The following SSH2 variants were observed in gnomAD, a reference collection of about 807,000 sequenced individuals.
SSH2 encodes the protein slingshot protein phosphatase 2, also known as protein phosphatase Slingshot homolog 2.
A neutral mutation model predicts 135.2 loss-of-function variants in SSH2; 37 were observed. The ratio of observed to expected loss-of-function variants is 0.27; its 90% CI spans 0.21 to 0.36. The LOEUF (loss-of-function observed/expected upper bound fraction) is 0.36, where lower values mean the gene tolerates loss of function less well. SSH2 is among the 10% of genes least tolerant of loss of function. SSH2 has a pLI of 1.00. For missense variants in SSH2, 1,408 were observed against 1,765.3 expected, an observed-to-expected ratio of 0.80 and a Z score of 3.63; for synonymous variants, 628 against 646.2, an observed-to-expected ratio of 0.97 and a Z score of 0.43.
chr17:29,864,869 A>C (rs1000246243), intron 1 of SSH2, among the ~76,000 whole-genome samples: 1 of 152,104 alleles, frequency 6.6e-6, no homozygotes, highest in Non-Finnish European at 1.5e-5. Context: ...CTTGGGCCCC[A>C]CCCCTGATCT....
At chr17:29,713,098 G>A (rs1014491069) in intron 3 of SSH2, among the ~76,000 whole-genome samples, 1 of 152,240 alleles carries the variant, frequency 6.6e-6, no homozygotes, top group African/African-American at 2.4e-5. Flanking sequence ...CACTTTGGGA[G>A]GCTGAGGCGG....
intron 1 of SSH2, among the ~76,000 whole-genome samples, chr17:29,884,875 T>A (rs764175957): frequency 7.2e-5 from 11 of 152,218 alleles, no homozygotes; most frequent in African/African-American, 1.4e-4. Flanking sequence ...CACTCTAAAT[T>A]GTAACTCTGA....
At chr17:29,877,920 A>C (rs1339479933) in intron 1 of SSH2, among the ~76,000 whole-genome samples, 1 of 151,836 alleles carries the variant, frequency 6.6e-6, no homozygotes, top group Non-Finnish European at 1.5e-5. Context: ...CTGTCTCTAC[A>C]AAAAAAATTA....
intron 6 of SSH2, among the ~76,000 whole-genome samples, chr17:29,678,072 G>C (rs1412016677): frequency 6.6e-6 from 1 of 151,210 alleles, no homozygotes; most frequent in Non-Finnish European, 1.5e-5. Flanking sequence ...ACATAGTACA[G>C]TGTCCACCTC....
chr17:29,630,278 CG>C lies in SSH2; in HGVS notation c.*562del, dbSNP rs1451528139. 6.6e-6 allele frequency: 1 copy of C among 152,244 alleles called. No individual in the cohort carries two copies. Among genetic ancestry groups the C allele is most frequent in the Admixed American group, 6.5e-5 (1 of 15,274 alleles). The allele number at this position is 152,244 out of a possible 1,614,324, so 9.4% of individuals were successfully genotyped here. A position where few individuals can be genotyped will look rare whatever the true frequency, so the allele number is the denominator to read the frequency against. ...ACTGTAACGATACACTCTGGAACAC[CG>C]GAAGACCCTCTTTTAAAGCAAAGCG... On this transcript the variant is annotated 3_prime_UTR_variant, in exon 16 of 16. Transcript: ENST00000540801.
intron 2 of SSH2, among the ~76,000 whole-genome samples, chr17:29,814,287 T>C (rs1205354527): frequency 6.8e-6 from 1 of 146,334 alleles, no homozygotes; most frequent in Non-Finnish European, 1.5e-5. Context: ...TACAAAAAAT[T>C]AGCCGGGCGT....
chr17:29,750,216 T>C (rs1280027727), intron 3 of SSH2, among the ~76,000 whole-genome samples: 5 of 150,942 alleles, frequency 3.3e-5, no homozygotes, highest in African/African-American at 1.2e-4. Context: ...GGTGGGTGGA[T>C]CACTTGAGGT....
chr17:29,742,643 T>C (rs1443449017), intron 3 of SSH2, among the ~76,000 whole-genome samples: 4 of 151,570 alleles, frequency 2.6e-5, no homozygotes, highest in Admixed American at 2.0e-4. Context: ...TAGTTCATTT[T>C]TTGTTTTTTG....
At chr17:29,899,715 T>C (rs905883335) in intron 1 of SSH2, among the ~76,000 whole-genome samples, 1 of 152,216 alleles carries the variant, frequency 6.6e-6, no homozygotes, top group African/African-American at 2.4e-5. Flanking sequence ...CAAGGTAATT[T>C]ATAGATTTTC....
intron 2 of SSH2, among the ~76,000 whole-genome samples, chr17:29,846,594 T>A (rs2043136863): frequency 6.6e-6 from 1 of 152,252 alleles, no homozygotes; most frequent in African/African-American, 2.4e-5. Context: ...CCACTCCAGC[T>A]ATTAATGAAT....
chr17:29,878,341 C>A (rs1475871477), intron 1 of SSH2, among the ~76,000 whole-genome samples: 1 of 151,974 alleles, frequency 6.6e-6, no homozygotes, highest in Non-Finnish European at 1.5e-5. Flanking sequence ...GCAGGAGAAT[C>A]GCTTGAACCT....
intron 3 of SSH2, among the ~76,000 whole-genome samples, chr17:29,742,579 C>G (rs1468776163): frequency 6.7e-6 from 1 of 148,252 alleles, no homozygotes; most frequent in African/African-American, 2.5e-5. Flanking sequence ...AGCAGTTCTC[C>G]CGCCTTAGTC....
chr17:29,878,283 C>G (rs1391629660), intron 1 of SSH2, among the ~76,000 whole-genome samples: 2 of 152,010 alleles, frequency 1.3e-5, no homozygotes, highest in Admixed American at 1.3e-4. Context: ...CAAAATTAGC[C>G]AGGCGTGGTG....
intron 5 of SSH2, among the ~76,000 whole-genome samples, chr17:29,685,889 C>G (rs1450609364): frequency 6.7e-6 from 1 of 148,924 alleles, no homozygotes; most frequent in Non-Finnish European, 1.5e-5. Context: ...GCTCTTGTTG[C>G]TCAGGCTGGA....
chr17:29,709,009 T>TAC (rs1365233569), intron 3 of SSH2, among the ~76,000 whole-genome samples: 1 of 103,080 alleles, frequency 9.7e-6, no homozygotes, highest in African/African-American at 3.2e-5. Flanking sequence ...TATATATATA[T>TAC]ATATATAGAG....
chr17:29,694,506 TA>T (rs1328215227), intron 5 of SSH2, among the ~76,000 whole-genome samples: 3 of 152,040 alleles, frequency 2.0e-5, no homozygotes, highest in Non-Finnish European at 2.9e-5. Context: ...CCATCTCTAC[TA>T]AAAATACAAA....
chr17:29,690,619 A>G (rs991737623), intron 5 of SSH2, among the ~76,000 whole-genome samples: 4 of 152,126 alleles, frequency 2.6e-5, no homozygotes, highest in African/African-American at 2.4e-5. Flanking sequence ...AAAAGAATGA[A>G]GCAAAATCAA....
At chr17:29,885,379 T>C (rs1046789973) in intron 1 of SSH2, among the ~76,000 whole-genome samples, 4 of 151,810 alleles carry the variant, frequency 2.6e-5, no homozygotes, top group Non-Finnish European at 5.9e-5. Flanking sequence ...AAATCAGGTC[T>C]TTTTCCCCAG....
chr17:29,805,589 T>C (rs2042330620), intron 2 of SSH2, among the ~76,000 whole-genome samples: 1 of 152,170 alleles, frequency 6.6e-6, no homozygotes, highest in Non-Finnish European at 1.5e-5. Context: ...GGCGGATGTG[T>C]TTATCAGCAA....
Sources: allele counts gnomAD v4.1 joint callset (sites outside exome capture counted in the v4.1 genomes callset), GRCh38; gene constraint gnomAD v4.1.1; transcripts MANE v1.5; gene names NCBI Gene and HGNC (gene_info 2026-07-23, HGNC 2026-07-21).